Variants in PSMC1 observed in about 807,000 individuals in gnomAD.
The protein encoded by PSMC1 is proteasome 26S subunit, ATPase 1.
In PSMC1, 5 loss-of-function variants were observed where a neutral mutation model predicts 49.8. The observed-to-expected ratio is 0.10, with a 90% confidence interval of 0.05 to 0.21. The LOEUF is 0.21. PSMC1 is among the 10% of genes least tolerant of loss of function. PSMC1 has a pLI of 1.00. For missense variants in PSMC1, 181 were observed against 535.7 expected (o/e 0.34, Z 6.54); for synonymous variants, 155 against 192.1 (o/e 0.81, Z 1.60).
At chr14:90,265,607 T>G (rs1435854674) in intron 7 of PSMC1, among the ~76,000 whole-genome samples, 1 of 148,532 alleles carries the variant, frequency 6.7e-6, no homozygotes, top group African/African-American at 2.5e-5. Flanking sequence ...GAGAATGGCA[T>G]GAACCCGGGA....
chr14:90,272,475 G>A lies in PSMC1; in HGVS notation c.*68G>A. On this transcript the variant is annotated 3_prime_UTR_variant, in exon 11 of 11. Coordinates refer to ENST00000261303, the MANE Select transcript of PSMC1 (RefSeq NM_002802.3). The surrounding 1 kb of genome is among the most constrained non-coding windows in gnomAD (Gnocchi z 4.5). ...AATCCCTGAAAGGGATGAGGTTGGG[G>A]GAGTTGCCCAGAGGAATCCCTGTTC... 4.1e-6 allele frequency: 5 copies of A among 1,213,642 alleles called. No individual in the cohort carries two copies. Among genetic ancestry groups the A allele is most frequent in the Non-Finnish European group, 5.7e-6 (5 of 876,994 alleles). The allele number at this position is 1,213,642 out of a possible 1,614,324, so 75.2% of individuals were successfully genotyped here. A position where few individuals can be genotyped will look rare whatever the true frequency, so the allele number is the denominator to read the frequency against.
Position 90,272,211 on chromosome 14 carries a change from G to T in PSMC1, c.1189-62G>T. The T allele has an allele frequency of 6.3e-7, 1 of 1,579,444 alleles. No individual in the cohort carries two copies. The highest frequency in any genetic ancestry group is 8.6e-7 in the Non-Finnish European group (1 of 1,166,892). ...GCCTGGCCTCAGAATAGGTTTTTTGGAATTCCTTGTTAGAATAAAAATGAG... is the reference window on the plus strand; with the variant it reads ...GCCTGGCCTCAGAATAGGTTTTTTGTAATTCCTTGTTAGAATAAAAATGAG... On this transcript the variant is annotated intron_variant, in intron 10 of 10. Transcript: ENST00000261303. This position sits in a 1 kb window ranked among gnomAD's most constrained non-coding sequence, Gnocchi z 4.5.
intron 3 of PSMC1, among the ~76,000 whole-genome samples, chr14:90,260,494 G>A (rs1481047295): frequency 6.6e-6 from 1 of 152,246 alleles, no homozygotes; most frequent in Non-Finnish European, 1.5e-5. Flanking sequence ...CACTTTGGGA[G>A]GCCGAGGCGG....
intron 3 of PSMC1, 80 bp downstream of exon 3, chr14:90,260,291 G>A (rs767803800): frequency 2.0e-5 from 20 of 1,018,918 alleles, no homozygotes; most frequent in Non-Finnish European, 2.6e-5. Flanking sequence ...GAGTCTGAAA[G>A]GGGTAACAGG....
At chr14:90,256,643 A>G (rs748523755) in intron 1 of PSMC1, 43 bp downstream of exon 1, 4 of 1,577,836 alleles carry the variant, frequency 2.5e-6, no homozygotes, top group South Asian at 2.3e-5. Flanking sequence ...TCGCGGTGCG[A>G]TGGGGTCTCA....
Position 90,256,594 on chromosome 14 carries a change from C to A in PSMC1, c.-4C>A, listed in dbSNP as rs549740735. 3.1e-6 allele frequency: 5 copies of A among 1,589,548 alleles called. No homozygotes were observed. The Admixed American group carries it at 7.1e-5, about 23-fold the overall frequency. On this transcript the variant is annotated 5_prime_UTR_variant, in exon 1 of 11. Coordinates refer to ENST00000261303, the MANE Select transcript of PSMC1 (RefSeq NM_002802.3). Reference sequence around the variant, plus strand: ...GCAGCGGCAGCTCAAGTGGCCAAGGCAAGATGGTGAGTGACTAAGGGTTTC... The same window carrying A: ...GCAGCGGCAGCTCAAGTGGCCAAGGAAAGATGGTGAGTGACTAAGGGTTTC...
Position 90,263,533 on chromosome 14 carries a change from G to C in PSMC1, c.279+91G>C, listed in dbSNP as rs575189917. 4.8e-5 allele frequency: 70 copies of C among 1,467,766 alleles called. No homozygotes were observed. The African/African-American group carries it at 7.9e-4, about 17-fold the overall frequency. The allele number at this position is 1,467,766 out of a possible 1,614,324, so 90.9% of individuals were successfully genotyped here. A position where few individuals can be genotyped will look rare whatever the true frequency, so the allele number is the denominator to read the frequency against. ...AAATGAAATTCAAGTAGCTGAACCT[G>C]TCCAGGCTTTCATGAGTATTATTAG... On this transcript the variant is annotated intron_variant, in intron 4 of 10. Transcript: ENST00000261303.
chr14:90,269,121 A>AG lies in PSMC1; in HGVS notation c.882-276_882-275insG, dbSNP rs1391116005. 1.7e-4 allele frequency: 66 copies of AG among 378,522 alleles called. No individual in the cohort carries two copies. In the East Asian group the frequency reaches 3.1e-3, roughly 18 times the overall value. 23.4% of individuals were successfully genotyped at this position (378,522 alleles called of 1,614,324 possible). On this transcript the variant is annotated intron_variant, in intron 8 of 10. Coordinates refer to ENST00000261303, the MANE Select transcript of PSMC1 (RefSeq NM_002802.3). The stretch of plus-strand genomic sequence containing the variant: ...TTTTTAGAAGGAACTCATGCTGTAT[A>AG]AGGCTCTGCCTCATGCCTTTAGCCC...
intron 2 of PSMC1, among the ~76,000 whole-genome samples, chr14:90,259,492 T>C (rs1891355137): frequency 6.6e-6 from 1 of 152,256 alleles, no homozygotes. Flanking sequence ...TGGTGTCTAA[T>C]AGCCTGAGGT....
At chr14:90,265,688 C>CAAAAA (rs35151204) in intron 7 of PSMC1, among the ~76,000 whole-genome samples, 2 of 94,110 alleles carry the variant, frequency 2.1e-5, no homozygotes, top group African/African-American at 9.4e-5. Context: ...GACTACATCT[C>CAAAAA]AAAAAAAAAA....
At chr14:90,270,532 T>C (rs1473174926) in intron 10 of PSMC1, 180 bp downstream of exon 10, 7 of 665,860 alleles carry the variant, frequency 1.1e-5, no homozygotes, top group Admixed American at 3.4e-5. Context: ...TCATTCTTAA[T>C]GCATCATTTT....
chr14:90,257,316 C>A (rs11848894), intron 1 of PSMC1, among the ~76,000 whole-genome samples: 83,799 of 151,904 alleles, frequency 0.55, 23,780 homozygotes, highest in Middle Eastern at 0.72. Context: ...GGCAGACAAT[C>A]ATCAGAAATA....
At chr14:90,259,825 T>G (rs1050862782) in intron 2 of PSMC1, among the ~76,000 whole-genome samples, 2 of 152,034 alleles carry the variant, frequency 1.3e-5, no homozygotes, top group African/African-American at 4.8e-5. Flanking sequence ...TTTCACCATG[T>G]TGGCCAAGCT....
chr14:90,261,655 G>C (rs2139643624), intron 3 of PSMC1, among the ~76,000 whole-genome samples: 1 of 152,280 alleles, frequency 6.6e-6, no homozygotes, highest in East Asian at 1.9e-4. Flanking sequence ...GGAAACAACA[G>C]GTGCTGGAGA....
At chr14:90,262,978 T>C (rs1013783537) in intron 3 of PSMC1, among the ~76,000 whole-genome samples, 2 of 152,214 alleles carry the variant, frequency 1.3e-5, no homozygotes, top group East Asian at 1.9e-4. Flanking sequence ...GAGCAACATA[T>C]GTAACTTTTT....
chr14:90,262,779 T>C (rs1222989292), intron 3 of PSMC1, among the ~76,000 whole-genome samples: 1 of 147,144 alleles, frequency 6.8e-6, no homozygotes, highest in Non-Finnish European at 1.5e-5. Flanking sequence ...GCAACAAGAC[T>C]CCGTCTCAAA....
chr14:90,257,129 C>T (rs1007087805), intron 1 of PSMC1, among the ~76,000 whole-genome samples: 1 of 151,944 alleles, frequency 6.6e-6, no homozygotes, highest in African/African-American at 2.4e-5. Flanking sequence ...GGAAAGGGCC[C>T]GTGGTGCAGT....
chr14:90,269,514 A>T lies in PSMC1; in HGVS notation c.999A>T (p.Arg333=). The stretch of plus-strand genomic sequence containing the variant: ...TGAAAGTTATCATGGCCACAAACCG[A>T]ATAGAAACTTTGGATCCAGCACTTA... ...GDVKVIMATN[R]IETLDPALIR... The change falls in exon 9 of 11, where the codon CGA becomes CGT. Residue 333 remains arginine (R), a synonymous_variant. Coordinates refer to ENST00000261303, the MANE Select transcript of PSMC1 (RefSeq NM_002802.3). 6.2e-7 allele frequency: 1 copy of T among 1,614,030 alleles called. No individual in the cohort carries two copies. The highest frequency in any genetic ancestry group is 8.5e-7 in the Non-Finnish European group (1 of 1,179,962).
intron 7 of PSMC1, among the ~76,000 whole-genome samples, chr14:90,265,765 A>T (rs1038058797): frequency 2.7e-5 from 4 of 150,928 alleles, no homozygotes; most frequent in African/African-American, 9.8e-5. Context: ...AGGCTGAGGT[A>T]GGAGGGTCAC....
Sources: gnomAD v4.1 joint callset for allele counts (sites outside exome capture counted in the v4.1 genomes callset) on GRCh38, gnomAD v4.1.1 for gene constraint, Gnocchi (gnomAD v3.1) non-coding constraint, MANE v1.5 for transcripts, NCBI Gene and HGNC (gene_info 2026-07-23, HGNC 2026-07-21) for gene names.